LAMA1: variants seen among roughly 807,000 people sequenced by gnomAD.
The protein encoded by LAMA1 is laminin subunit alpha-1.
Under a neutral mutation model 348.7 loss-of-function variants are expected in LAMA1, and 219 were observed. That is an observed-to-expected ratio of 0.63 (90% CI 0.56 to 0.70). LAMA1 has a LOEUF of 0.70. LAMA1 is among the 30% of genes least tolerant of loss of function. The probability of loss-of-function intolerance (pLI) is 0.00; values close to 1 mark genes in which losing one functional copy is unlikely to be tolerated. For synonymous variants in LAMA1, 1,487 were observed against 1,491.0 expected, an observed-to-expected ratio of 1.00 and a Z score of 0.06; for missense variants, 3,744 against 3,888.0, an observed-to-expected ratio of 0.96 and a Z score of 0.99.
intron 3 of LAMA1, among the ~76,000 whole-genome samples, chr18:7,065,010 G>C (rs2058116817): frequency 6.6e-6 from 1 of 151,532 alleles, no homozygotes; most frequent in Non-Finnish European, 1.5e-5. Context: ...GGGGCAGGTG[G>C]ATCACAAGGT....
chr18:7,111,559 C>CTAA (rs2058336019), intron 1 of LAMA1, among the ~76,000 whole-genome samples: 1 of 152,138 alleles, frequency 6.6e-6, no homozygotes, highest in Admixed American at 6.5e-5. Context: ...TATCGTGTGG[C>CTAA]GTTTTATGCT....
intron 1 of LAMA1, among the ~76,000 whole-genome samples, chr18:7,106,938 A>G (rs947712524): frequency 5.3e-5 from 8 of 151,878 alleles, no homozygotes; most frequent in African/African-American, 1.7e-4. Context: ...CGCACCTCCA[A>G]TAAAGCAGCC....
At chr18:6,991,309 TA>T (rs67148605) in intron 36 of LAMA1, among the ~76,000 whole-genome samples, 28,270 of 147,312 alleles carry the variant, frequency 0.19, 3,334 homozygotes, top group Non-Finnish European at 0.27. Flanking sequence ...TTAAAAAATA[TA>T]AAAAAAAAAT....
At chr18:7,015,583 A>T (rs1600394963) in intron 22 of LAMA1, 139 bp downstream of exon 22, 1 of 989,678 alleles carries the variant, frequency 1.0e-6, no homozygotes, top group Non-Finnish European at 1.5e-6. Flanking sequence ...CCTGGCCCAC[A>T]TTGAGTTTTT....
chr18:6,955,950 A>T (rs1302574948), intron 56 of LAMA1: 1 of 316,026 alleles, frequency 3.2e-6, no homozygotes, highest in Non-Finnish European at 6.2e-6. Context: ...AGACAAGAGG[A>T]GCCAGGCGGG....
intron 19 of LAMA1, among the ~76,000 whole-genome samples, chr18:7,018,084 C>T (rs983805544): frequency 1.3e-5 from 2 of 151,854 alleles, no homozygotes; most frequent in African/African-American, 4.8e-5. Context: ...GCCTGTAATC[C>T]CAGCACTTTG....
At chr18:7,056,078 C>CAAAA (rs745622734) in intron 3 of LAMA1, among the ~76,000 whole-genome samples, 1 of 116,776 alleles carries the variant, frequency 8.6e-6, no homozygotes, top group African/African-American at 3.2e-5. Flanking sequence ...AGACTGTCTC[C>CAAAA]AAAAAAAAAA....
At chr18:7,047,310 T>A (rs185102264) in intron 5 of LAMA1, among the ~76,000 whole-genome samples, 1 of 152,360 alleles carries the variant, frequency 6.6e-6, no homozygotes, top group African/African-American at 2.4e-5. Flanking sequence ...CCCAAAGTGC[T>A]GGGATTACAG....
intron 40 of LAMA1, 59 bp from the exon 41 acceptor site, chr18:6,982,649 G>A: frequency 1.5e-6 from 2 of 1,367,318 alleles, no homozygotes; most frequent in East Asian, 2.3e-5. Context: ...TCCTGCTGGG[G>A]ACAGAGGAAG....
chr18:7,016,234 A>G (rs1009980084), intron 21 of LAMA1, among the ~76,000 whole-genome samples: 4 of 152,156 alleles, frequency 2.6e-5, no homozygotes, highest in African/African-American at 9.7e-5. Context: ...TCCCCATTTT[A>G]CAGATGAGGA....
Position 7,043,300 on chromosome 18 carries a change from C to T in LAMA1, c.1082G>A (p.Cys361Tyr). ...TAGQFRGGGV[C>Y]INCLQNTMGI... Reference sequence around the variant, plus strand: ...CATGGTGTTCTGCAAGCAATTTATGCAAACCCCTCCTCCTCTGAACTGTCC... The same window carrying T: ...CATGGTGTTCTGCAAGCAATTTATGTAAACCCCTCCTCCTCTGAACTGTCC... The change falls in exon 8 of 63, where the codon TGC (cysteine) becomes TAC (tyrosine). Residue 361 changes from cysteine to tyrosine, a missense_variant. This residue lies in a region of LAMA1 where 1,529 missense variants were observed against 1,689.4 expected (regional missense o/e 0.91). Transcript: ENST00000389658. 1 of 1,614,126 alleles carries T rather than the reference C, an allele frequency of 6.2e-7. No individual in the cohort carries two copies. The highest frequency in any genetic ancestry group is 8.5e-7 in the Non-Finnish European group (1 of 1,180,012).
chr18:7,008,820 G>A (rs887530957), intron 27 of LAMA1, among the ~76,000 whole-genome samples: 17 of 152,160 alleles, frequency 1.1e-4, no homozygotes, highest in South Asian at 2.1e-4. Context: ...AAAATAATGT[G>A]ACACAAGTAC....
intron 33 of LAMA1, among the ~76,000 whole-genome samples, chr18:6,996,121 G>A (rs904395105): frequency 1.3e-5 from 2 of 152,100 alleles, no homozygotes; most frequent in African/African-American, 2.4e-5. Context: ...GGAAAAAAAA[G>A]TTAAATATTC....
Position 6,941,839 on chromosome 18 carries a change from A to T in LAMA1, c.*240T>A. On this transcript the variant is annotated 3_prime_UTR_variant, in exon 63 of 63. Transcript: ENST00000389658. ...AATCAACAGAACATTCAATGTGTATAAAGATTTTTTTAAAAATACGTTTAA... is the reference window on the plus strand; with the variant it reads ...AATCAACAGAACATTCAATGTGTATTAAGATTTTTTTAAAAATACGTTTAA... 1 of 522,018 alleles carries T rather than the reference A, an allele frequency of 1.9e-6. No homozygotes were observed. The highest frequency in any genetic ancestry group is 2.1e-5 in the South Asian group (1 of 47,756). 32.3% of individuals were successfully genotyped at this position (522,018 alleles called of 1,614,324 possible).
At chr18:6,986,554 C>CT (rs71165711) in intron 36 of LAMA1, among the ~76,000 whole-genome samples, 95,847 of 146,198 alleles carry the variant, frequency 0.66, 31,941 homozygotes, top group African/African-American at 0.79. Context: ...AACAAATTGT[C>CT]TTTTTTTTTT....
At chr18:7,065,250 A>AAAAC (rs1209801923) in intron 3 of LAMA1, among the ~76,000 whole-genome samples, 1 of 149,842 alleles carries the variant, frequency 6.7e-6, no homozygotes, top group African/African-American at 2.5e-5. Flanking sequence ...AAAAAAAAAA[A>AAAAC]AAACAACGAC....
chr18:7,071,854 A>G (rs568202889), intron 3 of LAMA1, among the ~76,000 whole-genome samples: 38 of 152,210 alleles, frequency 2.5e-4, no homozygotes, highest in Non-Finnish European at 4.7e-4. Context: ...GGGGATAATA[A>G]CAGGAGCCAA....
intron 48 of LAMA1, among the ~76,000 whole-genome samples, chr18:6,969,068 C>T (rs1192868117): frequency 3.3e-5 from 5 of 152,106 alleles, no homozygotes; most frequent in South Asian, 2.1e-4. Flanking sequence ...TACAAACAGA[C>T]GTAAAGTGCC....
At chr18:7,100,058 CAAAA>C (rs3038921) in intron 1 of LAMA1, among the ~76,000 whole-genome samples, 61 of 79,670 alleles carry the variant, frequency 7.7e-4, no homozygotes, top group Middle Eastern at 9.6e-3. Context: ...GACTTTGTCT[CAAAA>C]AAAAAAAAAA....
Sources: allele counts gnomAD v4.1 joint callset (sites outside exome capture counted in the v4.1 genomes callset), GRCh38; gene constraint gnomAD v4.1.1; regional missense constraint gnomAD v4.1.1; transcripts MANE v1.5; gene names NCBI Gene and HGNC (gene_info 2026-07-23, HGNC 2026-07-21).